The following ADCY10 variants were observed in gnomAD, a reference collection of about 807,000 sequenced individuals.
The protein encoded by ADCY10 is adenylate cyclase type 10.
Under a neutral mutation model 183.3 loss-of-function variants are expected in ADCY10, and 156 were observed. The observed-to-expected ratio is 0.85, with a 90% CI of 0.75 to 0.97. The LOEUF is 0.97. ADCY10 is among the 50% of genes least tolerant of loss of function. The probability of loss-of-function intolerance (pLI) is 0.00; values close to 1 mark genes in which losing one functional copy is unlikely to be tolerated. For synonymous variants in ADCY10, 645 were observed against 670.0 expected (o/e 0.96, Z 0.58); for missense variants, 1,745 against 1,934.3 (o/e 0.90, Z 1.84).
intron 7 of ADCY10, among the ~76,000 whole-genome samples, chr1:167,895,946 A>G (rs1320169147): frequency 6.6e-6 from 1 of 152,260 alleles, no homozygotes; most frequent in African/African-American, 2.4e-5. Flanking sequence ...TGAGACGTAA[A>G]GGCAAAACTA....
At chr1:167,829,008 C>T (rs1408217063) in intron 26 of ADCY10, among the ~76,000 whole-genome samples, 2 of 152,054 alleles carry the variant, frequency 1.3e-5, no homozygotes, top group African/African-American at 4.8e-5. Context: ...AGAATTTTCT[C>T]GACTTTTGTT....
intron 13 of ADCY10, among the ~76,000 whole-genome samples, chr1:167,870,754 A>T (rs1486936575): frequency 2.0e-5 from 3 of 151,286 alleles, no homozygotes; most frequent in Admixed American, 2.0e-4. Context: ...GGTTGCAGCG[A>T]GCCGGGATCC....
chr1:167,901,723 C>T lies in ADCY10; in HGVS notation c.375G>A (p.Glu125=). ...IITVVIKCSL[E]IHGLFETQEW... ...CCTGGGTCTCAAACAATCCATGGAT[C>T]TCCAGGCTACATTTAATTACCACTG... The change falls in exon 5 of 33, where the codon GAG becomes GAA. Residue 125 remains glutamate, a synonymous_variant. Coordinates refer to ENST00000367851, the MANE Select transcript of ADCY10 (RefSeq NM_018417.6). 6.2e-7 allele frequency: 1 copy of T among 1,614,082 alleles called. No homozygotes were observed. Among genetic ancestry groups the T allele is most frequent in the East Asian group, 2.2e-5 (1 of 44,900 alleles).
chr1:167,816,010 A>G (rs922477347), intron 31 of ADCY10, among the ~76,000 whole-genome samples: 3 of 151,718 alleles, frequency 2.0e-5, no homozygotes, highest in African/African-American at 7.3e-5. Context: ...CCATAACAGA[A>G]TATCCAAGGA....
chr1:167,817,051 A>T (rs1201046808), intron 31 of ADCY10, among the ~76,000 whole-genome samples: 6 of 152,158 alleles, frequency 3.9e-5, no homozygotes, highest in African/African-American at 1.2e-4. Context: ...TGGACCCGCC[A>T]AACTGTGAGT....
At chr1:167,815,510 C>A (rs956159329) in intron 31 of ADCY10, among the ~76,000 whole-genome samples, 7 of 152,122 alleles carry the variant, frequency 4.6e-5, no homozygotes, top group African/African-American at 1.7e-4. Flanking sequence ...GGAATAGGCT[C>A]ACTAAAAGAC....
intron 21 of ADCY10, among the ~76,000 whole-genome samples, chr1:167,840,067 A>AT (rs1664502282): frequency 6.6e-6 from 1 of 150,528 alleles, no homozygotes. Context: ...AAAAAAAAAA[A>AT]GAAAAGAAAA....
chr1:167,910,588 G>T (rs1670086222), intron 1 of ADCY10, among the ~76,000 whole-genome samples: 1 of 152,182 alleles, frequency 6.6e-6, no homozygotes, highest in African/African-American at 2.4e-5. Context: ...GGGTTAGCAA[G>T]ATTAAAGTTC....
intron 15 of ADCY10, among the ~76,000 whole-genome samples, chr1:167,860,171 T>A (rs1173421246): frequency 6.6e-6 from 1 of 152,184 alleles, no homozygotes; most frequent in Non-Finnish European, 1.5e-5. Flanking sequence ...GAAATAATTA[T>A]ACAACTCACC....
chr1:167,880,607 GC>G lies in ADCY10; in HGVS notation c.1022del (p.Gly341AlafsTer60). ...QINKVFMFDK[G>X]CSFLCVFGFP... ...AGCCAAAGACACAGAGGAAAGAGCA[GC>G]CCTGTGAGGGAGAGAGACAGCAACC... is the stretch of plus-strand genomic sequence containing the variant. On this transcript the variant is annotated frameshift_variant and splice_region_variant, in exon 10 of 33. Transcript: ENST00000367851. LOFTEE classifies it high-confidence loss of function. The G allele has an allele frequency of 6.2e-7, 1 of 1,608,184 alleles. No homozygotes were observed. The highest frequency in any genetic ancestry group is 1.1e-5 in the South Asian group (1 of 90,966).
At position 167,809,723 on chromosome 1, in the gene ADCY10, T is replaced by A; in HGVS notation, c.4788A>T (p.Lys1596Asn). 6.2e-7 allele frequency: 1 copy of A among 1,614,228 alleles called. No homozygotes were observed. Among genetic ancestry groups the A allele is most frequent in the Non-Finnish European group, 8.5e-7 (1 of 1,180,026 alleles). ...AGRVNIQDLQ[K>N]NKFLMRANTV... ...TATTAGCTCTCATCAGGAATTTGTT[T>A]TTTTGAAGATCCTGAATGTTTACCC... The change falls in exon 33 of 33, where the codon AAA (lysine) becomes AAT (asparagine). Residue 1596 changes from lysine to asparagine, a missense_variant. Coordinates refer to ENST00000367851, the MANE Select transcript of ADCY10 (RefSeq NM_018417.6).
At position 167,820,561 on chromosome 1, in the gene ADCY10, G is replaced by C. The variant is rs922726728; in HGVS notation, c.4286+1463C>G. ...GATTCCTTAACCTTTAACTCACATTGGTAAGTTATTTGATTTTGAACTTTA... is the reference window on the plus strand; with the variant it reads ...GATTCCTTAACCTTTAACTCACATTCGTAAGTTATTTGATTTTGAACTTTA... On this transcript the variant is annotated intron_variant, in intron 30 of 32. Transcript: ENST00000367851. The C allele has an allele frequency of 1.1e-4, 31 of 294,470 alleles. No individual in the cohort carries two copies. The Admixed American group carries it at 1.3e-3, about 12-fold the overall frequency. 18.2% of individuals were successfully genotyped at this position (294,470 alleles called of 1,614,324 possible). A position where few individuals can be genotyped will look rare whatever the true frequency, so the allele number is the denominator to read the frequency against.
chr1:167,821,273 A>T (rs1662894407), intron 30 of ADCY10: 1 of 152,914 alleles, frequency 6.5e-6, no homozygotes, highest in Non-Finnish European at 1.5e-5. Flanking sequence ...TAATGAGTTA[A>T]TGGGGTGCGG....
intron 1 of ADCY10, among the ~76,000 whole-genome samples, chr1:167,905,614 T>G (rs1445005831): frequency 6.8e-6 from 1 of 147,496 alleles, no homozygotes; most frequent in African/African-American, 2.6e-5. Flanking sequence ...AAAAAAAAAG[T>G]GTAGATGTGA....
At chr1:167,866,017 A>G (rs1468830408) in intron 14 of ADCY10, among the ~76,000 whole-genome samples, 1 of 152,198 alleles carries the variant, frequency 6.6e-6, no homozygotes, top group African/African-American at 2.4e-5. Context: ...CACCACAGAG[A>G]GGAAACTTAG....
intron 16 of ADCY10, among the ~76,000 whole-genome samples, chr1:167,857,272 T>C (rs1393855507): frequency 1.3e-5 from 2 of 152,240 alleles, no homozygotes; most frequent in Admixed American, 1.3e-4. Context: ...AACCCATTCT[T>C]TCTCTTTGTG....
At position 167,814,810 on chromosome 1, in the gene ADCY10, T is replaced by C. The variant is rs1482599493; in HGVS notation, c.4482+3262A>G. The stretch of plus-strand genomic sequence containing the variant: ...AACATGATTAAAATGTTAAGTTTTA[T>C]GCTATGTGTATTTGGATCACAATAA... On this transcript the variant is annotated intron_variant, in intron 31 of 32. Transcript: ENST00000367851. Among the ~76,000 whole-genome samples the C allele has an allele frequency of 3.3e-5, 5 of 152,102 alleles. No individual in the cohort carries two copies. The East Asian group carries it at 9.6e-4, about 29-fold the overall frequency.
At chr1:167,813,449 C>T (rs1012575635) in intron 31 of ADCY10, among the ~76,000 whole-genome samples, 2 of 151,714 alleles carry the variant, frequency 1.3e-5, no homozygotes, top group African/African-American at 4.8e-5. Context: ...CATTCCCAGA[C>T]AATCAAAAAC....
rs111914206 is a variant in ADCY10 at position 167,811,451 on chromosome 1, G to T, written c.4483-538C>A. ...AAAATACAAAAATTAGCCAGGCATGGTCGTGCACGCCTGTAGTCCCAGCTA... is the reference window on the plus strand; with the variant it reads ...AAAATACAAAAATTAGCCAGGCATGTTCGTGCACGCCTGTAGTCCCAGCTA... On this transcript the variant is annotated intron_variant, in intron 31 of 32. Transcript: ENST00000367851. Among the ~76,000 whole-genome samples the T allele has an allele frequency of 4.8e-3, 730 of 152,242 alleles. 8 individuals carry two copies. Among genetic ancestry groups the T allele is most frequent in the African/African-American group, 0.017 (693 of 41,538 alleles).
Sources: allele counts gnomAD v4.1 joint callset (sites outside exome capture counted in the v4.1 genomes callset), GRCh38; gene constraint gnomAD v4.1.1; transcripts MANE v1.5; gene names NCBI Gene and HGNC (gene_info 2026-07-23, HGNC 2026-07-21).